The following RB1 variants were observed in gnomAD, a reference collection of about 807,000 sequenced individuals.
RB1 encodes the protein retinoblastoma-associated protein.
A neutral mutation model predicts 135.4 loss-of-function variants in RB1; 18 were observed. That is an observed-to-expected ratio of 0.13 (90% CI 0.09 to 0.20). RB1 has a LOEUF of 0.20. Ranked by LOEUF, RB1 falls within the 10% of genes least tolerant of loss-of-function variation. The probability of loss-of-function intolerance (pLI) is 1.00; values close to 1 mark genes in which losing one functional copy is unlikely to be tolerated. For synonymous variants in RB1, 365 were observed against 373.2 expected (o/e 0.98, Z 0.25); for missense variants, 868 against 1,110.0 (o/e 0.78, Z 3.10).
chr13:48,387,334 G>A (rs772243276), intron 17 of RB1, among the ~76,000 whole-genome samples: 8 of 151,954 alleles, frequency 5.3e-5, no homozygotes, highest in East Asian at 1.9e-4. Flanking sequence ...AAGTTCTTTT[G>A]AGCCCTCAAC....
chr13:48,449,419 A>G (rs1327473530), intron 17 of RB1, among the ~76,000 whole-genome samples: 1 of 152,196 alleles, frequency 6.6e-6, no homozygotes, highest in Non-Finnish European at 1.5e-5. Flanking sequence ...CGCCACTGCC[A>G]CATCCTTTTG....
At chr13:48,441,319 A>C (rs1949234589) in intron 17 of RB1, among the ~76,000 whole-genome samples, 1 of 152,216 alleles carries the variant, frequency 6.6e-6, no homozygotes, top group Admixed American at 6.5e-5. Context: ...TTGTGCCTGA[A>C]GACCCTTATG....
At chr13:48,410,709 G>A (rs1948786626) in intron 17 of RB1, among the ~76,000 whole-genome samples, 1 of 152,028 alleles carries the variant, frequency 6.6e-6, no homozygotes, top group South Asian at 2.1e-4. Context: ...GAAATTGGGT[G>A]CATTATATAC....
At chr13:48,316,423 C>G (rs1566177804) in intron 2 of RB1, among the ~76,000 whole-genome samples, 1 of 151,892 alleles carries the variant, frequency 6.6e-6, no homozygotes, top group African/African-American at 2.4e-5. Context: ...AGCAATCAAC[C>G]AAAAAACATC....
chr13:48,474,519 CATT>C (rs1949492276), intron 24 of RB1, among the ~76,000 whole-genome samples: 1 of 152,158 alleles, frequency 6.6e-6, no homozygotes. Context: ...GAAATTCACT[CATT>C]ATGAGTGTGA....
At chr13:48,385,940 G>T (rs1355549569) in intron 17 of RB1, among the ~76,000 whole-genome samples, 1 of 151,540 alleles carries the variant, frequency 6.6e-6, no homozygotes, top group Non-Finnish European at 1.5e-5. Context: ...CAGGTGTGTG[G>T]TGCACACCTA....
At chr13:48,341,392 C>T (rs1952441690) in intron 2 of RB1, 1 of 151,844 alleles carries the variant, frequency 6.6e-6, no homozygotes, top group Non-Finnish European at 1.5e-5. Context: ...TGAACATTCA[C>T]ATATAATGTT....
chr13:48,406,427 A>T (rs570379317), intron 17 of RB1: 2 of 152,328 alleles, frequency 1.3e-5, no homozygotes, highest in Admixed American at 1.3e-4. Context: ...ATCAGAAAAA[A>T]AGGATAAGAA....
In RB1 at chr13:48,419,548, G is replaced by A. The variant is rs146317101; in HGVS notation, c.1696-33445G>A. 2.6e-3 allele frequency among the ~76,000 whole-genome samples: 401 copies of A among 152,284 alleles called. 1 individual carries two copies. The highest frequency in any genetic ancestry group is 4.6e-3 in the Non-Finnish European group (311 of 68,016). On this transcript the variant is annotated intron_variant, in intron 17 of 26. Coordinates refer to ENST00000267163, the MANE Select transcript of RB1 (RefSeq NM_000321.3). ...AAATAACCAAGGTCAGAGAAGAACT[G>A]AAGGAGAGAGAAACACGAAAAACCC...
chr13:48,333,850 A>G lies in RB1; in HGVS notation c.265-8749A>G, dbSNP rs141982434. Among the ~76,000 whole-genome samples, 725 of 151,952 alleles carry G rather than the reference A, an allele frequency of 4.8e-3. 2 individuals are homozygous for G. The highest frequency in any genetic ancestry group is 0.017 in the African/African-American group (685 of 41,398). ...CTGGACACTACAAGGCTCTTGGGGT[A>G]AAGTAGTGAATTAGATACAATATTT... is the stretch of plus-strand genomic sequence containing the variant. On this transcript the variant is annotated intron_variant, in intron 2 of 26. Transcript: ENST00000267163.
intron 17 of RB1, among the ~76,000 whole-genome samples, chr13:48,428,656 A>G (rs1440978633): frequency 6.6e-6 from 1 of 152,230 alleles, no homozygotes; most frequent in Non-Finnish European, 1.5e-5. Context: ...AGATTAAGAG[A>G]TTTTAGACAT....
chr13:48,434,352 C>T (rs576454805), intron 17 of RB1, among the ~76,000 whole-genome samples: 33 of 151,842 alleles, frequency 2.2e-4, no homozygotes, highest in Middle Eastern at 3.4e-3. Flanking sequence ...ATAATAAAAA[C>T]GGAGAAAAAA....
At chr13:48,318,850 A>G in intron 2 of RB1, 2 of 1,005,072 alleles carry the variant, frequency 2.0e-6, no homozygotes, top group Non-Finnish European at 3.1e-6. Flanking sequence ...CTCCCCGACT[A>G]TGCCTTGAGG....
intron 2 of RB1, among the ~76,000 whole-genome samples, chr13:48,339,553 T>C (rs756779774): frequency 6.6e-6 from 1 of 152,184 alleles, no homozygotes; most frequent in Non-Finnish European, 1.5e-5. Context: ...GTGACCCGAT[T>C]TTCCAGGTGC....
chr13:48,436,445 C>T (rs1028218885), intron 17 of RB1, among the ~76,000 whole-genome samples: 1 of 152,136 alleles, frequency 6.6e-6, no homozygotes, highest in Non-Finnish European at 1.5e-5. Flanking sequence ...AAGTTCGAGA[C>T]CAGCCTGGCC....
At chr13:48,327,431 A>G (rs1326676034) in intron 2 of RB1, among the ~76,000 whole-genome samples, 1 of 152,226 alleles carries the variant, frequency 6.6e-6, no homozygotes, top group African/African-American at 2.4e-5. Context: ...AAGATAGACA[A>G]GACCCATTAA....
At chr13:48,354,308 G>T (rs550693911) in intron 6 of RB1, among the ~76,000 whole-genome samples, 1 of 151,880 alleles carries the variant, frequency 6.6e-6, no homozygotes, top group Non-Finnish European at 1.5e-5. Context: ...ATGTGAAAAA[G>T]AAATTTAAAA....
chr13:48,376,915 A>T lies in RB1; in HGVS notation c.1216-3A>T, dbSNP rs2138136154. 6.2e-7 allele frequency: 1 copy of T among 1,613,496 alleles called. No homozygotes were observed. The highest frequency in any genetic ancestry group is 8.5e-7 in the Non-Finnish European group (1 of 1,179,746). On this transcript the variant is annotated splice_region_variant and splice_polypyrimidine_tract_variant and intron_variant, in intron 12 of 26. Coordinates refer to ENST00000267163, the MANE Select transcript of RB1 (RefSeq NM_000321.3). ...CATTGATTTCTGTTTTTACCTCCTA[A>T]AGAACTGCACAGTGAATCCAAAAGA...
chr13:48,381,922 A>C (rs1344850296), intron 17 of RB1, among the ~76,000 whole-genome samples: 1 of 151,816 alleles, frequency 6.6e-6, no homozygotes, highest in African/African-American at 2.4e-5. Context: ...TTCATTTCCC[A>C]CCTATGAGTG....
Sources: allele counts gnomAD v4.1 joint callset (sites outside exome capture counted in the v4.1 genomes callset), GRCh38; gene constraint gnomAD v4.1.1; transcripts MANE v1.5; gene names NCBI Gene and HGNC (gene_info 2026-07-23, HGNC 2026-07-21).